CRYZL1: variants seen among roughly 807,000 people sequenced by gnomAD.
CRYZL1 encodes the protein crystallin zeta like 1, also known as ferry endosomal RAB5 effector complex subunit 4.
CRYZL1 carries 34 observed loss-of-function variants against 50.6 expected under a neutral mutation model. That is an observed-to-expected ratio of 0.67 (90% CI 0.51 to 0.89). The LOEUF (loss-of-function observed/expected upper bound fraction) is 0.89, where lower values mean the gene tolerates loss of function less well. CRYZL1 is among the 40% of genes least tolerant of loss of function. CRYZL1 has a pLI of 0.00. For synonymous variants in CRYZL1, 125 were observed against 134.3 expected, an observed-to-expected ratio of 0.93 and a Z score of 0.48; for missense variants, 354 against 402.3, an observed-to-expected ratio of 0.88 and a Z score of 1.03.
At chr21:33,630,244 G>A (rs2087121720) in intron 2 of CRYZL1, among the ~76,000 whole-genome samples, 1 of 152,126 alleles carries the variant, frequency 6.6e-6, no homozygotes, top group Non-Finnish European at 1.5e-5. Flanking sequence ...ATGTAAATTA[G>A]TATAGCCATT....
chr21:33,608,421 C>T (rs2086836312), intron 6 of CRYZL1, among the ~76,000 whole-genome samples: 1 of 152,240 alleles, frequency 6.6e-6, no homozygotes, highest in African/African-American at 2.4e-5. Flanking sequence ...CGCCATTGCA[C>T]TCCAGCCTGG....
chr21:33,604,676 A>T (rs1050844654), intron 6 of CRYZL1, among the ~76,000 whole-genome samples: 2 of 152,200 alleles, frequency 1.3e-5, no homozygotes, highest in Non-Finnish European at 2.9e-5. Context: ...CTGTTAGAGC[A>T]CTTTCATTCT....
chr21:33,605,743 C>G (rs148861556), intron 6 of CRYZL1, among the ~76,000 whole-genome samples: 1 of 151,516 alleles, frequency 6.6e-6, no homozygotes, highest in Non-Finnish European at 1.5e-5. Flanking sequence ...AGGCTGGTCT[C>G]GAACTCCTGA....
intron 8 of CRYZL1, among the ~76,000 whole-genome samples, chr21:33,600,709 T>C (rs915030282): frequency 6.6e-6 from 1 of 150,722 alleles, no homozygotes; most frequent in Non-Finnish European, 1.5e-5. Context: ...CACTGCAAGC[T>C]CTGCCTCCCA....
chr21:33,593,722 C>T (rs1372166033), intron 11 of CRYZL1, among the ~76,000 whole-genome samples: 7 of 152,022 alleles, frequency 4.6e-5, no homozygotes, highest in Admixed American at 1.3e-4. Flanking sequence ...GTGGCCCATG[C>T]CTGTAATCCC....
intron 6 of CRYZL1, among the ~76,000 whole-genome samples, chr21:33,610,518 C>T (rs796862765): frequency 7.2e-5 from 11 of 152,182 alleles, no homozygotes; most frequent in African/African-American, 2.6e-4. Context: ...CAATTGTTTT[C>T]TCTATATACT....
chr21:33,594,269 T>C (rs2086672450), intron 11 of CRYZL1, among the ~76,000 whole-genome samples: 1 of 151,060 alleles, frequency 6.6e-6, no homozygotes, highest in South Asian at 2.1e-4. Flanking sequence ...TTCCCCTGCC[T>C]CAGCCTCTGG....
rs754727597 is a variant in CRYZL1 at position 33,624,763 on chromosome 21, A to G, written c.67-3T>C. ...TCCTCTGTAACAGGAAGATCTTCCTAGAACCAAATGATAACAAAACAATAT... is the reference window on the plus strand; with the variant it reads ...TCCTCTGTAACAGGAAGATCTTCCTGGAACCAAATGATAACAAAACAATAT... On this transcript the variant is annotated splice_polypyrimidine_tract_variant and splice_region_variant and intron_variant, in intron 2 of 12. Transcript: ENST00000381554. 1.9e-6 allele frequency: 3 copies of G among 1,592,238 alleles called. No homozygotes were observed. The highest frequency in any genetic ancestry group is 2.3e-5 in the East Asian group (1 of 44,122).
At chr21:33,633,541 AG>A (rs1411639860) in intron 1 of CRYZL1, 1 of 152,154 alleles carries the variant, frequency 6.6e-6, no homozygotes, top group Non-Finnish European at 1.5e-5. Context: ...CAGCCACCCG[AG>A]TAGTTGGGAC....
chr21:33,630,378 G>C (rs2087123406), intron 2 of CRYZL1, among the ~76,000 whole-genome samples: 1 of 152,138 alleles, frequency 6.6e-6, no homozygotes, highest in Admixed American at 6.5e-5. Flanking sequence ...CTGAGGTCGG[G>C]GGTTTGAGAC....
intron 1 of CRYZL1, 95 bp downstream of exon 1, chr21:33,641,586 T>G: frequency 3.0e-6 from 1 of 328,740 alleles, no homozygotes. Context: ...CGAACCACCA[T>G]CCTCCCCAGG....
At chr21:33,635,809 T>C (rs1159527031) in intron 1 of CRYZL1, among the ~76,000 whole-genome samples, 2 of 151,842 alleles carry the variant, frequency 1.3e-5, no homozygotes, top group Non-Finnish European at 2.9e-5. Flanking sequence ...GGTGAAATCC[T>C]GTCTCTACTA....
Position 33,599,178 on chromosome 21 carries a change from C to T in CRYZL1, c.648G>A (p.Leu216=). The change falls in exon 9 of 13, where the codon CTG becomes CTA. Residue 216 remains leucine, a synonymous_variant. Transcript: ENST00000381554. ...AESCLEETGG[L]GVDIVLDAGV... ...CAGCATCTAGGACAATATCTACTCC[C>T]AGGCCACCTGTTTCTTCCAAACAGC... The T allele has an allele frequency of 6.2e-7, 1 of 1,614,068 alleles. No homozygotes were observed. The highest frequency in any genetic ancestry group is 8.5e-7 in the Non-Finnish European group (1 of 1,179,968).
chr21:33,603,410 T>G lies in CRYZL1; in HGVS notation c.459A>C (p.Gly153=). ...SPGKSVLIMD[G]ASAFGTIAIQ... ...CAAAACCATTAGCACCTACACTTGC[T>G]CCATCCATTATCAGCACTGATTTTC... Residue 153 remains glycine (G), a synonymous_variant, in exon 7 of 13, where the codon GGA becomes GGC. Coordinates refer to ENST00000381554, the MANE Select transcript of CRYZL1 (RefSeq NM_145858.3). 1 of 1,614,070 alleles carries G rather than the reference T, an allele frequency of 6.2e-7. No individual in the cohort carries two copies. The highest frequency in any genetic ancestry group is 8.5e-7 in the Non-Finnish European group (1 of 1,180,012).
intron 1 of CRYZL1, chr21:33,640,312 A>G (rs2087265114): frequency 7.2e-7 from 1 of 1,394,302 alleles, no homozygotes; most frequent in African/African-American, 1.5e-5. Context: ...AAGCTGGAAC[A>G]GAGGCATCGA....
intron 3 of CRYZL1, among the ~76,000 whole-genome samples, chr21:33,623,062 T>C (rs2087020900): frequency 6.6e-6 from 1 of 151,140 alleles, no homozygotes; most frequent in Non-Finnish European, 1.5e-5. Context: ...GCCTCCCAGG[T>C]TCAAGCGATT....
rs2145911431 is a variant in CRYZL1 at position 33,589,689 on chromosome 21, T to A, written c.*133A>T. The A allele has an allele frequency of 1.6e-6, 1 of 638,004 alleles. No individual in the cohort carries two copies. The allele number at this position is 638,004 out of a possible 1,614,324, so 39.5% of individuals were successfully genotyped here. A position where few individuals can be genotyped will look rare whatever the true frequency, so the allele number is the denominator to read the frequency against. ...TCAAATGTGTCAACTGAGCATCTTG[T>A]CTTAGCAGAGAAACGTGCTTAAAAA... On this transcript the variant is annotated 3_prime_UTR_variant, in exon 13 of 13. Transcript: ENST00000381554.
chr21:33,612,881 C>T (rs1198604373), intron 6 of CRYZL1, among the ~76,000 whole-genome samples: 1 of 152,078 alleles, frequency 6.6e-6, no homozygotes, highest in Non-Finnish European at 1.5e-5. Flanking sequence ...GTCACCCAGG[C>T]TGTAGTGCAG....
chr21:33,606,497 G>A (rs923635451), intron 6 of CRYZL1, among the ~76,000 whole-genome samples: 2 of 151,718 alleles, frequency 1.3e-5, no homozygotes, highest in Non-Finnish European at 2.9e-5. Flanking sequence ...ATGGTGGCAG[G>A]CACCTGTAAT....
Sources: gnomAD v4.1 joint callset for allele counts (sites outside exome capture counted in the v4.1 genomes callset) on GRCh38, gnomAD v4.1.1 for gene constraint, MANE v1.5 for transcripts, NCBI Gene and HGNC (gene_info 2026-07-23, HGNC 2026-07-21) for gene names.